Variants in UBE2V2 observed in about 807,000 individuals in gnomAD.
UBE2V2 encodes ubiquitin-conjugating enzyme E2 variant 2.
Under a neutral mutation model 17.2 loss-of-function variants are expected in UBE2V2, and 9 were observed. That is an observed-to-expected ratio of 0.52 (90% CI 0.32 to 0.91). The LOEUF is 0.91. UBE2V2 is among the 40% of genes least tolerant of loss of function. The pLI is 0.04. For synonymous variants in UBE2V2, 61 were observed against 57.5 expected (o/e 1.06, Z -0.28); for missense variants, 133 against 182.6 (o/e 0.73, Z 1.56).
chr8:48,026,570 C>G (rs1201637048), intron 1 of UBE2V2, among the ~76,000 whole-genome samples: 1 of 152,196 alleles, frequency 6.6e-6, no homozygotes, highest in African/African-American at 2.4e-5. Flanking sequence ...CCCTTTAGCT[C>G]TCACTGTTCT....
At chr8:48,008,417 G>T, upstream of UBE2V2, 1 of 1,559,148 alleles carries the variant, frequency 6.4e-7, no homozygotes, top group Non-Finnish European at 8.7e-7. Context: ...GACGGTTCGT[G>T]CGTGCGTGCG....
chr8:48,017,756 T>G (rs1417047957), intron 1 of UBE2V2, among the ~76,000 whole-genome samples: 1 of 152,028 alleles, frequency 6.6e-6, no homozygotes, highest in Non-Finnish European at 1.5e-5. Flanking sequence ...TTTTGTTGAG[T>G]GTGCTTTTGA....
Position 48,052,157 on chromosome 8 carries a change from T to C in UBE2V2, c.291+2179T>C, listed in dbSNP as rs192039623. On this transcript the variant is annotated intron_variant, in intron 3 of 3. Coordinates refer to ENST00000523111, the MANE Select transcript of UBE2V2 (RefSeq NM_003350.3). ...TTATTCTAGAAATTATGCACACTTATCTATTTTTAAGAAATTTGATAGGAG... is the reference window on the plus strand; with the variant it reads ...TTATTCTAGAAATTATGCACACTTACCTATTTTTAAGAAATTTGATAGGAG... 4.9e-4 allele frequency among the ~76,000 whole-genome samples: 74 copies of C among 152,334 alleles called. 1 individual carries two copies. The highest frequency in any genetic ancestry group is 4.8e-3 in the Admixed American group (73 of 15,304).
In UBE2V2 at chr8:48,010,258, A is replaced by C. The variant is rs779779168; in HGVS notation, c.16+1788A>C. Among the ~76,000 whole-genome samples, 486 of 146,806 alleles carry C rather than the reference A, an allele frequency of 3.3e-3. 2 individuals carry two copies. The highest frequency in any genetic ancestry group is 0.011 in the African/African-American group (455 of 39,668). On this transcript the variant is annotated intron_variant, in intron 1 of 3. Coordinates refer to ENST00000523111, the MANE Select transcript of UBE2V2 (RefSeq NM_003350.3). ...TCTGTATTTTTTTTTTTTTTTTGAG[A>C]TGGAGTCTCGCTGCATTGCCCAGGC...
At chr8:47,998,751 C>A in the UBE2V2 span, among the ~76,000 whole-genome samples, 1 of 151,514 alleles carries the variant, frequency 6.6e-6, no homozygotes, top group East Asian at 1.9e-4. Context: ...TATCCCCTTC[C>A]CGGTTTCGGC....
chr8:48,007,866 A>T, upstream of UBE2V2, among the ~76,000 whole-genome samples: 1 of 151,674 alleles, frequency 6.6e-6, no homozygotes. Context: ...AGCTGTTCAA[A>T]TTTATTGTCC....
At chr8:48,038,730 C>T (rs1270235253) in intron 1 of UBE2V2, among the ~76,000 whole-genome samples, 1 of 152,006 alleles carries the variant, frequency 6.6e-6, no homozygotes, top group Non-Finnish European at 1.5e-5. Context: ...ATCCGCCTGC[C>T]TCAGCCTCTC....
At chr8:48,000,719 G>A in the UBE2V2 span, among the ~76,000 whole-genome samples, 16 of 151,760 alleles carry the variant, frequency 1.1e-4, 1 homozygote, top group African/African-American at 3.9e-4. Flanking sequence ...CTACTTGGGA[G>A]GCTGAGGCAG....
rs779067433 is a variant in UBE2V2 at position 48,008,474 on chromosome 8, G to T, written c.16+4G>T. On this transcript the variant is annotated splice_donor_region_variant and intron_variant, in intron 1 of 3. Transcript: ENST00000523111. ...GAGAAGATGGCGGTCTCCACAGGTC[G>T]GTTCCCGGGCCGGGCTGCGTGATTT... is the stretch of plus-strand genomic sequence containing the variant. The T allele has an allele frequency of 3.1e-5, 49 of 1,567,832 alleles. No individual in the cohort carries two copies. In the Middle Eastern group the frequency reaches 1.0e-3, roughly 32 times the overall value.
chr8:48,007,606 G>C (rs2091192860), upstream of UBE2V2, among the ~76,000 whole-genome samples: 1 of 143,912 alleles, frequency 6.9e-6, no homozygotes, highest in Non-Finnish European at 1.5e-5. Context: ...GTAGAGACTA[G>C]GTATCACTAT....
intron 1 of UBE2V2, among the ~76,000 whole-genome samples, chr8:48,010,919 C>T (rs1245736316): frequency 2.9e-5 from 4 of 136,342 alleles, no homozygotes; most frequent in African/African-American, 1.1e-4. Flanking sequence ...TTAGTAGGGA[C>T]AGGTTTTCAT....
chr8:48,011,330 G>A (rs1415659464), intron 1 of UBE2V2, among the ~76,000 whole-genome samples: 1 of 151,924 alleles, frequency 6.6e-6, no homozygotes, highest in Non-Finnish European at 1.5e-5. Flanking sequence ...ACCACGCCCA[G>A]CTAATTTATT....
intron 1 of UBE2V2, among the ~76,000 whole-genome samples, chr8:48,009,349 T>C (rs1203180474): frequency 6.9e-6 from 1 of 145,894 alleles, no homozygotes; most frequent in African/African-American, 2.5e-5. Flanking sequence ...CACTGCAACC[T>C]CCACCTCCCA....
chr8:48,045,073 G>C (rs1362524848), intron 2 of UBE2V2, among the ~76,000 whole-genome samples: 5 of 152,138 alleles, frequency 3.3e-5, no homozygotes, highest in Admixed American at 6.5e-5. Context: ...GGTGAAGGCT[G>C]CTTCTCTGCA....
chr8:48,031,859 G>T (rs1350371514), intron 1 of UBE2V2, among the ~76,000 whole-genome samples: 1 of 152,052 alleles, frequency 6.6e-6, no homozygotes, highest in African/African-American at 2.4e-5. Flanking sequence ...TGTTATCCAG[G>T]ATGGTCTCAA....
At position 48,023,160 on chromosome 8, in the gene UBE2V2, A is replaced by G. The variant is rs891640362; in HGVS notation, c.16+14690A>G. Among the ~76,000 whole-genome samples, 3 of 151,170 alleles carry G rather than the reference A, an allele frequency of 2.0e-5. No homozygotes were observed. The East Asian group carries it at 5.8e-4, about 29-fold the overall frequency. Reference sequence around the variant, plus strand: ...GTTGGAGACCCTTCAACCTGTAGCCATATACTTATAACTTTCTCCATATTT... The same window carrying G: ...GTTGGAGACCCTTCAACCTGTAGCCGTATACTTATAACTTTCTCCATATTT... On this transcript the variant is annotated intron_variant, in intron 1 of 3. Coordinates refer to ENST00000523111, the MANE Select transcript of UBE2V2 (RefSeq NM_003350.3).
intron 1 of UBE2V2, among the ~76,000 whole-genome samples, chr8:48,029,686 A>G (rs1260002347): frequency 6.6e-6 from 1 of 152,200 alleles, no homozygotes; most frequent in Non-Finnish European, 1.5e-5. Context: ...TGCTACCTAA[A>G]TTATTGATTG....
chr8:48,009,347 C>T (rs915291750), intron 1 of UBE2V2, among the ~76,000 whole-genome samples: 3 of 150,112 alleles, frequency 2.0e-5, no homozygotes, highest in Middle Eastern at 3.4e-3. Flanking sequence ...CTCACTGCAA[C>T]CTCCACCTCC....
At chr8:48,008,506 C>T (rs2091202154) in intron 1 of UBE2V2, 36 bp downstream of exon 1, 1 of 1,559,670 alleles carries the variant, frequency 6.4e-7, no homozygotes, top group Non-Finnish European at 8.7e-7. Flanking sequence ...ATTTTCCGCT[C>T]CGACCCGGCT....
Sources: allele counts gnomAD v4.1 joint callset (sites outside exome capture counted in the v4.1 genomes callset), GRCh38; gene constraint gnomAD v4.1.1; transcripts MANE v1.5; gene names NCBI Gene and HGNC (gene_info 2026-07-23, HGNC 2026-07-21).